NDST3: variants seen among roughly 807,000 people sequenced by gnomAD.
The protein encoded by NDST3 is bifunctional heparan sulfate N-deacetylase/N-sulfotransferase 3.
In NDST3, 58 loss-of-function variants were observed where a neutral mutation model predicts 96.1. The ratio of observed to expected loss-of-function variants is 0.60; its 90% CI spans 0.49 to 0.75. The LOEUF is 0.75. Among genes scored for constraint, NDST3 ranks in the 30% least tolerant of loss-of-function variants. The pLI, the probability that NDST3 is intolerant of heterozygous loss-of-function variation, is 0.00. For missense variants in NDST3, 788 were observed against 1,034.2 expected (o/e 0.76, Z 3.27); for synonymous variants, 333 against 359.7 (o/e 0.93, Z 0.84).
At chr4:118,085,208 T>A (rs964067904) in intron 2 of NDST3, among the ~76,000 whole-genome samples, 17 of 152,292 alleles carry the variant, frequency 1.1e-4, no homozygotes, top group Middle Eastern at 3.4e-3. Context: ...AATTAAGTTT[T>A]GTATCTCCTA....
At chr4:118,149,931 T>C (rs1475663775) in intron 6 of NDST3, among the ~76,000 whole-genome samples, 11 of 150,612 alleles carry the variant, frequency 7.3e-5, no homozygotes, top group African/African-American at 2.4e-4. Context: ...ATATGTCCCA[T>C]CAATACCTAA....
intron 2 of NDST3, among the ~76,000 whole-genome samples, chr4:118,070,928 G>A (rs1472138667): frequency 2.6e-5 from 4 of 151,960 alleles, no homozygotes; most frequent in Non-Finnish European, 5.9e-5. Context: ...ATAGCTTGCT[G>A]AGAATGATGG....
intron 6 of NDST3, among the ~76,000 whole-genome samples, chr4:118,156,221 G>A (rs899472793): frequency 6.6e-6 from 1 of 151,968 alleles, no homozygotes; most frequent in Non-Finnish European, 1.5e-5. Flanking sequence ...CTCACTCTAT[G>A]TCTTAAAGTG....
intron 2 of NDST3, among the ~76,000 whole-genome samples, chr4:118,091,566 G>A (rs1415483070): frequency 7.9e-5 from 12 of 151,754 alleles, no homozygotes; most frequent in Non-Finnish European, 2.9e-5. Context: ...ATAATCATGA[G>A]TAATGTGATG....
chr4:118,154,834 C>T (rs576445319), intron 6 of NDST3, among the ~76,000 whole-genome samples: 16 of 152,282 alleles, frequency 1.1e-4, no homozygotes, highest in African/African-American at 3.6e-4. Context: ...TTGGTCTTGA[C>T]GTGATGTACA....
intron 6 of NDST3, among the ~76,000 whole-genome samples, chr4:118,163,190 T>C (rs901411766): frequency 1.2e-3 from 179 of 152,286 alleles, no homozygotes; most frequent in Admixed American, 3.1e-3. Flanking sequence ...GAAGTCAATG[T>C]GGCAATTCCT....
At chr4:118,238,219 GAAAGAAA>G (rs1380997711) in intron 10 of NDST3, among the ~76,000 whole-genome samples, 1 of 125,770 alleles carries the variant, frequency 8.0e-6, no homozygotes, top group Non-Finnish European at 1.7e-5. Flanking sequence ...AAGAAAGAAA[GAAAGAAA>G]AAGAAAGAAG....
chr4:118,074,504 T>C (rs1727338794), intron 2 of NDST3, among the ~76,000 whole-genome samples: 1 of 152,182 alleles, frequency 6.6e-6, no homozygotes, highest in African/African-American at 2.4e-5. Context: ...AATGCCCTTC[T>C]TTGTCATTTT....
intron 6 of NDST3, among the ~76,000 whole-genome samples, chr4:118,154,186 A>G (rs1165193111): frequency 6.6e-6 from 1 of 152,194 alleles, no homozygotes; most frequent in Non-Finnish European, 1.5e-5. Flanking sequence ...TTGGTATATC[A>G]GGAATAGAAT....
chr4:118,168,783 T>C (rs1481991029), intron 6 of NDST3, among the ~76,000 whole-genome samples: 1 of 152,288 alleles, frequency 6.6e-6, no homozygotes, highest in East Asian at 1.9e-4. Flanking sequence ...AAAACGTTAT[T>C]CAGCCTTGAA....
intron 6 of NDST3, among the ~76,000 whole-genome samples, chr4:118,189,955 C>G (rs1046549491): frequency 2.6e-5 from 4 of 151,940 alleles, no homozygotes; most frequent in Admixed American, 2.0e-4. Context: ...CCCCAACTTC[C>G]TAGGTTTATG....
intron 6 of NDST3, among the ~76,000 whole-genome samples, chr4:118,148,309 G>A (rs560492578): frequency 6.6e-5 from 10 of 152,074 alleles, no homozygotes; most frequent in South Asian, 4.1e-4. Context: ...AAAAAAATGC[G>A]CGCCAATACT....
chr4:118,091,733 C>T (rs1216216561), intron 2 of NDST3, among the ~76,000 whole-genome samples: 1 of 151,666 alleles, frequency 6.6e-6, no homozygotes, highest in Non-Finnish European at 1.5e-5. Context: ...TGTTTGTGCC[C>T]CACTATCACC....
chr4:118,063,214 T>C (rs1379844155), intron 2 of NDST3, among the ~76,000 whole-genome samples: 1 of 146,026 alleles, frequency 6.8e-6, no homozygotes, highest in Admixed American at 6.9e-5. Flanking sequence ...AAAGGTCTGA[T>C]GCAATGAATC....
chr4:118,198,710 C>T (rs925520431), intron 6 of NDST3, among the ~76,000 whole-genome samples: 8 of 129,806 alleles, frequency 6.2e-5, no homozygotes, highest in African/African-American at 3.1e-4. Context: ...TTAAAGTACT[C>T]CCTTTAGCAT....
intron 6 of NDST3, among the ~76,000 whole-genome samples, chr4:118,165,719 C>T (rs927763664): frequency 1.3e-5 from 2 of 151,816 alleles, no homozygotes; most frequent in African/African-American, 4.8e-5. Flanking sequence ...AGTATCAATT[C>T]CTACCACAGG....
intron 6 of NDST3, among the ~76,000 whole-genome samples, chr4:118,186,531 C>G (rs1736974947): frequency 6.6e-6 from 1 of 152,130 alleles, no homozygotes. Flanking sequence ...GGCTGAGAGG[C>G]TAAGCCAGTC....
chr4:118,114,980 G>T lies in NDST3; in HGVS notation c.1224+20G>T, dbSNP rs1275826122. On this transcript the variant is annotated intron_variant, in intron 4 of 13. Transcript: ENST00000296499. ...GCCTTAGTAAGTAACTCACTTTGTTGCATTGAAGTAGTGTACACTGATTGG... is the reference window on the plus strand; with the variant it reads ...GCCTTAGTAAGTAACTCACTTTGTTTCATTGAAGTAGTGTACACTGATTGG... 1.9e-6 allele frequency: 3 copies of T among 1,612,500 alleles called. No individual in the cohort carries two copies. The East Asian group carries it at 6.7e-5, about 36-fold the overall frequency.
At chr4:118,211,941 A>C (rs954168185) in intron 6 of NDST3, among the ~76,000 whole-genome samples, 2 of 152,112 alleles carry the variant, frequency 1.3e-5, no homozygotes, top group African/African-American at 4.8e-5. Context: ...CTTAGTGAGA[A>C]ACTTCAGAAG....
Sources: allele counts gnomAD v4.1 joint callset (sites outside exome capture counted in the v4.1 genomes callset), GRCh38; gene constraint gnomAD v4.1.1; transcripts MANE v1.5; gene names NCBI Gene and HGNC (gene_info 2026-07-23, HGNC 2026-07-21).